Variants in NBAS observed in about 807,000 individuals in gnomAD.
NBAS encodes the protein NBAS subunit of NRZ tethering complex.
A neutral mutation model predicts 302.5 loss-of-function variants in NBAS; 219 were observed. The observed-to-expected ratio is 0.72, with a 90% confidence interval of 0.65 to 0.81. NBAS has a LOEUF of 0.81. Ranked by LOEUF, NBAS falls within the 30% of genes least tolerant of loss-of-function variation. The pLI is 0.00. For synonymous variants in NBAS, 1,118 were observed against 1,021.6 expected (o/e 1.09, Z -1.80); for missense variants, 2,932 against 2,841.6 (o/e 1.03, Z -0.72).
chr2:15,129,010 G>A, the NBAS span, among the ~76,000 whole-genome samples: 7 of 152,296 alleles, frequency 4.6e-5, no homozygotes, highest in African/African-American at 1.7e-4. Flanking sequence ...GCAGGGGGCT[G>A]GGCGGGCCCT....
chr2:15,366,739 A>G, intron 31 of NBAS, 46 bp from the exon 32 acceptor site: 1 of 1,565,786 alleles, frequency 6.4e-7, no homozygotes, highest in South Asian at 1.1e-5. Flanking sequence ...GGACATCACA[A>G]AAGGGTGTTA....
chr2:14,987,542 CAT>C, the NBAS span, among the ~76,000 whole-genome samples: 1 of 151,692 alleles, frequency 6.6e-6, no homozygotes, highest in Non-Finnish European at 1.5e-5. Flanking sequence ...ACATTATATT[CAT>C]ATCTTTTGGG....
At chr2:14,947,060 A>G in the NBAS span, among the ~76,000 whole-genome samples, 1 of 152,282 alleles carries the variant, frequency 6.6e-6, no homozygotes, top group Non-Finnish European at 1.5e-5. Flanking sequence ...CCTATATCAG[A>G]AAAGTAGAAA....
the NBAS span, among the ~76,000 whole-genome samples, chr2:15,014,554 T>C: frequency 6.6e-6 from 1 of 152,138 alleles, no homozygotes; most frequent in East Asian, 1.9e-4. Context: ...AAATTTAATA[T>C]GAAAACTTAA....
chr2:15,094,757 T>C, the NBAS span, among the ~76,000 whole-genome samples: 3 of 152,114 alleles, frequency 2.0e-5, no homozygotes, highest in Admixed American at 1.3e-4. Flanking sequence ...CGCCGGCCCT[T>C]TGCAGTCTGT....
the NBAS span, among the ~76,000 whole-genome samples, chr2:15,033,987 A>AGAAGAG: frequency 2.0e-4 from 7 of 35,694 alleles, no homozygotes; most frequent in East Asian, 3.7e-3. Flanking sequence ...AGGAAGAGGA[A>AGAAGAG]GAAGAAGAAG....
chr2:15,421,902 C>G (rs1572824783), intron 23 of NBAS, among the ~76,000 whole-genome samples: 3 of 152,212 alleles, frequency 2.0e-5, no homozygotes, highest in Admixed American at 6.5e-5. Context: ...CCTGCCCCAC[C>G]CTCCAACCAC....
chr2:15,115,046 T>C, the NBAS span, among the ~76,000 whole-genome samples: 1,203 of 152,298 alleles, frequency 7.9e-3, 18 homozygotes, highest in African/African-American at 0.028. Flanking sequence ...TCTACTACTA[T>C]GAAAAGTAGA....
At chr2:15,006,165 T>C in the NBAS span, among the ~76,000 whole-genome samples, 1 of 152,212 alleles carries the variant, frequency 6.6e-6, no homozygotes, top group Admixed American at 6.5e-5. Flanking sequence ...TAAGAATATC[T>C]AGTGCTAATG....
chr2:15,127,898 G>A, the NBAS span, among the ~76,000 whole-genome samples: 1 of 152,180 alleles, frequency 6.6e-6, no homozygotes, highest in African/African-American at 2.4e-5. Context: ...CATGAGCAAT[G>A]TAGGGCGACT....
At chr2:15,010,433 C>T in the NBAS span, among the ~76,000 whole-genome samples, 1 of 152,112 alleles carries the variant, frequency 6.6e-6, no homozygotes, top group Non-Finnish European at 1.5e-5. Flanking sequence ...GAGGAGGCAG[C>T]AGGGAACCCT....
intron 12 of NBAS, among the ~76,000 whole-genome samples, chr2:15,480,873 G>A (rs904485087): frequency 9.2e-5 from 14 of 151,910 alleles, no homozygotes; most frequent in African/African-American, 2.9e-4. Flanking sequence ...AACAATTCAG[G>A]GGCACTTAGT....
chr2:15,024,602 C>T, the NBAS span, among the ~76,000 whole-genome samples: 2 of 152,102 alleles, frequency 1.3e-5, no homozygotes, highest in Non-Finnish European at 2.9e-5. Context: ...TAAGTGTTCC[C>T]TTTTCTCTAT....
At chr2:15,544,967 T>C (rs1664032382) in intron 6 of NBAS, among the ~76,000 whole-genome samples, 2 of 151,798 alleles carry the variant, frequency 1.3e-5, no homozygotes, top group Non-Finnish European at 2.9e-5. Context: ...GCCAAGATCG[T>C]GTCACTGCAC....
intron 21 of NBAS, among the ~76,000 whole-genome samples, chr2:15,452,244 C>T (rs542637029): frequency 1.3e-5 from 2 of 152,136 alleles, no homozygotes; most frequent in East Asian, 3.9e-4. Flanking sequence ...GTTAAGATGG[C>T]AAATTTTATG....
At chr2:15,423,194 G>A (rs1283320921) in intron 23 of NBAS, among the ~76,000 whole-genome samples, 1 of 152,150 alleles carries the variant, frequency 6.6e-6, no homozygotes, top group Non-Finnish European at 1.5e-5. Flanking sequence ...CGGAATTAAA[G>A]TAACTGAACT....
At chr2:14,902,487 G>A in the NBAS span, among the ~76,000 whole-genome samples, 3 of 152,162 alleles carry the variant, frequency 2.0e-5, no homozygotes, top group African/African-American at 4.8e-5. Context: ...AGGAGAGAAG[G>A]AGAGAGAAAA....
At chr2:14,810,769 G>C in the NBAS span, among the ~76,000 whole-genome samples, 1 of 152,118 alleles carries the variant, frequency 6.6e-6, no homozygotes, top group Non-Finnish European at 1.5e-5. Flanking sequence ...GTGGTGTCTG[G>C]CACATAGTAA....
the NBAS span, among the ~76,000 whole-genome samples, chr2:14,927,228 G>A: frequency 1.3e-5 from 2 of 152,156 alleles, no homozygotes; most frequent in Admixed American, 6.5e-5. Flanking sequence ...CCACAATGAC[G>A]TGAGTCAGTT....
Sources: allele counts gnomAD v4.1 joint callset (sites outside exome capture counted in the v4.1 genomes callset), GRCh38; gene constraint gnomAD v4.1.1; transcripts MANE v1.5; gene names NCBI Gene and HGNC (gene_info 2026-07-23, HGNC 2026-07-21).